ADGRL3: variants seen among roughly 807,000 people sequenced by gnomAD.
ADGRL3 encodes calcium-independent alpha-latrotoxin receptor 3.
Under a neutral mutation model 153.5 loss-of-function variants are expected in ADGRL3, and 62 were observed. That is an observed-to-expected ratio of 0.40 (90% confidence interval 0.33 to 0.50). The LOEUF (loss-of-function observed/expected upper bound fraction) is 0.50. Among genes scored for constraint, ADGRL3 ranks in the 20% least tolerant of loss-of-function variants. The pLI, the probability that ADGRL3 is intolerant of heterozygous loss-of-function variation, is 0.47. For missense variants in ADGRL3, 1,641 were observed against 1,859.4 expected, an observed-to-expected ratio of 0.88 and a Z score of 2.16; for synonymous variants, 710 against 672.5, an observed-to-expected ratio of 1.06 and a Z score of -0.86.
chr4:61,217,458 A>G (rs1338887045), intron 1 of ADGRL3, among the ~76,000 whole-genome samples: 1 of 152,230 alleles, frequency 6.6e-6, no homozygotes, highest in Non-Finnish European at 1.5e-5. Flanking sequence ...CTGAGTACAG[A>G]GAGGAAAACT....
intron 4 of ADGRL3, among the ~76,000 whole-genome samples, chr4:61,535,380 G>A (rs557632530): frequency 1.3e-5 from 2 of 152,042 alleles, no homozygotes; most frequent in Admixed American, 6.6e-5. Flanking sequence ...TGTTCATCAG[G>A]GATATTGGTC....
At chr4:61,315,954 C>T (rs989174584) in intron 1 of ADGRL3, among the ~76,000 whole-genome samples, 14 of 152,008 alleles carry the variant, frequency 9.2e-5, no homozygotes, top group Admixed American at 2.6e-4. Context: ...TATTGAGCAC[C>T]TACTATGTCC....
intron 2 of ADGRL3, among the ~76,000 whole-genome samples, chr4:61,392,504 G>T (rs1304233514): frequency 6.6e-6 from 1 of 151,154 alleles, no homozygotes; most frequent in Non-Finnish European, 1.5e-5. Flanking sequence ...TGGCCAACAT[G>T]GTGAAACCCC....
At chr4:61,435,004 AT>A (rs1487994117) in intron 2 of ADGRL3, among the ~76,000 whole-genome samples, 2 of 152,138 alleles carry the variant, frequency 1.3e-5, no homozygotes, top group East Asian at 3.8e-4. Flanking sequence ...GTTTTCAGAC[AT>A]TAAACTGCAG....
intron 17 of ADGRL3, among the ~76,000 whole-genome samples, chr4:61,967,853 C>G (rs1477478955): frequency 6.6e-6 from 1 of 152,142 alleles, no homozygotes; most frequent in Non-Finnish European, 1.5e-5. Context: ...ATGTCACAGA[C>G]TGGTTAATTT....
chr4:61,527,562 A>T lies in ADGRL3; in HGVS notation c.259+10044A>T, dbSNP rs904387745. On this transcript the variant is annotated intron_variant, in intron 4 of 26. Transcript: ENST00000683033. ...TAAACAAGTTAGAAATGTTTAGGTGACTCATGGATAGAAGTCTACTTTAGA... is the reference window on the plus strand; with the variant it reads ...TAAACAAGTTAGAAATGTTTAGGTGTCTCATGGATAGAAGTCTACTTTAGA... Among the ~76,000 whole-genome samples, 4 of 152,244 alleles carry T rather than the reference A, an allele frequency of 2.6e-5. No homozygotes were observed. In the East Asian group the frequency reaches 7.7e-4, roughly 29 times the overall value.
Position 62,063,197 on chromosome 4 carries a change from T to C in ADGRL3, c.3815-4969T>C, listed in dbSNP as rs538484382. ...ATGAATGATTAGATTTTGCTTTTTTTCACTTTAATTTTAATTTTTAGCAAG... is the reference window on the plus strand; with the variant it reads ...ATGAATGATTAGATTTTGCTTTTTTCCACTTTAATTTTAATTTTTAGCAAG... On this transcript the variant is annotated intron_variant, in intron 25 of 26. Transcript: ENST00000683033. 3.3e-5 allele frequency among the ~76,000 whole-genome samples: 5 copies of C among 152,212 alleles called. No homozygotes were observed. In the East Asian group the frequency reaches 9.7e-4, roughly 29 times the overall value.
intron 2 of ADGRL3, among the ~76,000 whole-genome samples, chr4:61,484,437 A>G (rs907302242): frequency 3.9e-5 from 6 of 152,124 alleles, no homozygotes; most frequent in African/African-American, 1.2e-4. Context: ...TGTGAAGTCA[A>G]TTTTGCGAGG....
chr4:61,249,890 T>G (rs759365969), intron 1 of ADGRL3, among the ~76,000 whole-genome samples: 2 of 152,164 alleles, frequency 1.3e-5, no homozygotes, highest in Non-Finnish European at 1.5e-5. Flanking sequence ...TAGTAAACAT[T>G]AACATAGTTC....
chr4:61,690,281 C>T (rs1428447711), intron 6 of ADGRL3, among the ~76,000 whole-genome samples: 1 of 151,852 alleles, frequency 6.6e-6, no homozygotes, highest in Non-Finnish European at 1.5e-5. Context: ...CATGTCTGTA[C>T]AAAAAATAAA....
chr4:61,945,958 C>T (rs1336809113), intron 15 of ADGRL3, among the ~76,000 whole-genome samples: 1 of 152,120 alleles, frequency 6.6e-6, no homozygotes, highest in Non-Finnish European at 1.5e-5. Context: ...CTTGGCTCCT[C>T]CTCCTAGTAT....
At chr4:61,258,903 C>T (rs1045010789) in intron 1 of ADGRL3, among the ~76,000 whole-genome samples, 3 of 152,132 alleles carry the variant, frequency 2.0e-5, no homozygotes, top group African/African-American at 7.2e-5. Flanking sequence ...ATAAAAATAA[C>T]CCTTATTTAC....
intron 8 of ADGRL3, among the ~76,000 whole-genome samples, chr4:61,797,060 C>G (rs1350237736): frequency 6.6e-6 from 1 of 152,138 alleles, no homozygotes; most frequent in African/African-American, 2.4e-5. Flanking sequence ...CATAGCACCC[C>G]TTTACTTCTC....
intron 1 of ADGRL3, among the ~76,000 whole-genome samples, chr4:61,263,311 G>GA (rs1404342298): frequency 6.6e-6 from 1 of 151,426 alleles, no homozygotes; most frequent in Non-Finnish European, 1.5e-5. Context: ...AATTTTCCCA[G>GA]AAAAATAATA....
At chr4:61,403,974 C>T (rs1055044146) in intron 2 of ADGRL3, among the ~76,000 whole-genome samples, 11 of 152,084 alleles carry the variant, frequency 7.2e-5, no homozygotes, top group Admixed American at 6.6e-4. Context: ...ATCTTAATTG[C>T]TTCCTTAGAG....
chr4:61,261,345 T>C (rs1235453809), intron 1 of ADGRL3, among the ~76,000 whole-genome samples: 1 of 152,090 alleles, frequency 6.6e-6, no homozygotes, highest in East Asian at 1.9e-4. Flanking sequence ...CTGTATACTT[T>C]AAATCATTTC....
At chr4:61,449,246 C>T (rs2152510811) in intron 2 of ADGRL3, among the ~76,000 whole-genome samples, 1 of 152,132 alleles carries the variant, frequency 6.6e-6, no homozygotes, top group Non-Finnish European at 1.5e-5. Context: ...AGCAATTCTT[C>T]TGCCTCAGCC....
chr4:61,857,146 G>A (rs1561368927), intron 9 of ADGRL3, among the ~76,000 whole-genome samples: 1 of 148,110 alleles, frequency 6.8e-6, no homozygotes, highest in Non-Finnish European at 1.5e-5. Flanking sequence ...TACCCAGGCT[G>A]GTCTCAAACT....
intron 1 of ADGRL3, among the ~76,000 whole-genome samples, chr4:61,347,556 T>C (rs539583142): frequency 1.2e-4 from 18 of 152,140 alleles, no homozygotes; most frequent in African/African-American, 4.1e-4. Context: ...TAACCCCCCT[T>C]CCCTCTGGCC....
Sources: allele counts gnomAD v4.1 joint callset (sites outside exome capture counted in the v4.1 genomes callset), GRCh38; gene constraint gnomAD v4.1.1; transcripts MANE v1.5; gene names NCBI Gene and HGNC (gene_info 2026-07-23, HGNC 2026-07-21).